The following SLC15A5 variants were observed in gnomAD, a reference collection of about 807,000 sequenced individuals.
SLC15A5 encodes the protein solute carrier family 15 member 5.
Under a neutral mutation model 56.1 loss-of-function variants are expected in SLC15A5, and 58 were observed. The observed-to-expected ratio is 1.03, with a 90% CI of 0.84 to 1.29. SLC15A5 has a LOEUF of 1.29. SLC15A5 is among the 50% of genes most tolerant of loss of function. SLC15A5 has a pLI of 0.00. For synonymous variants in SLC15A5, 264 were observed against 250.5 expected, an observed-to-expected ratio of 1.05 and a Z score of -0.51; for missense variants, 681 against 672.1, an observed-to-expected ratio of 1.01 and a Z score of -0.15.
chr12:16,212,677 G>T (rs1033256403), intron 7 of SLC15A5, among the ~76,000 whole-genome samples: 2 of 152,120 alleles, frequency 1.3e-5, no homozygotes, highest in African/African-American at 4.8e-5. Flanking sequence ...GGAATTTTCT[G>T]TAAGACTCTT....
chr12:16,201,156 A>C (rs1465434146), intron 7 of SLC15A5, among the ~76,000 whole-genome samples: 1 of 152,152 alleles, frequency 6.6e-6, no homozygotes, highest in Admixed American at 6.6e-5. Context: ...TAGTAGGAAA[A>C]AGTTACAAAG....
intron 2 of SLC15A5, among the ~76,000 whole-genome samples, chr12:16,260,022 G>T (rs1045560928): frequency 3.3e-5 from 5 of 152,122 alleles, no homozygotes; most frequent in Admixed American, 1.3e-4. Flanking sequence ...GATTCTCCAA[G>T]TGTTAATGTA....
intron 8 of SLC15A5, 76 bp from the exon 9 acceptor site, chr12:16,189,891 G>A (rs61915888): frequency 0.19 from 218,966 of 1,129,298 alleles, 23,063 homozygotes; most frequent in Middle Eastern, 0.26. Context: ...TCCCTCCTGC[G>A]CTTGTCTACC....
intron 8 of SLC15A5, among the ~76,000 whole-genome samples, chr12:16,191,766 A>G (rs980930007): frequency 1.3e-4 from 20 of 152,098 alleles, no homozygotes; most frequent in African/African-American, 4.1e-4. Flanking sequence ...CCAATGGCCA[A>G]TAGGTCCCCA....
rs530003798 is a variant in SLC15A5, at chr12:16,271,953, A to C, written c.584+608T>G. On this transcript the variant is annotated intron_variant, in intron 2 of 8. Coordinates refer to ENST00000344941, the MANE Select transcript of SLC15A5 (RefSeq NM_001170798.1). This position sits in a 1 kb window ranked among gnomAD's most constrained non-coding sequence, Gnocchi z 8.0. ...GTTGGGAGCGAACTGGGTGAGAAACAGAGATGCTGGGTGATGCTTTAACAA... is the reference window on the plus strand; with the variant it reads ...GTTGGGAGCGAACTGGGTGAGAAACCGAGATGCTGGGTGATGCTTTAACAA... Among the ~76,000 whole-genome samples the C allele has an allele frequency of 6.6e-6, 1 of 152,332 alleles. No homozygotes were observed. Among genetic ancestry groups the C allele is most frequent in the South Asian group, 2.1e-4 (1 of 4,830 alleles).
At chr12:16,227,559 C>A (rs1199711026) in intron 5 of SLC15A5, among the ~76,000 whole-genome samples, 2 of 152,136 alleles carry the variant, frequency 1.3e-5, no homozygotes, top group East Asian at 3.9e-4. Context: ...AAGGTGAAAG[C>A]AGCACACGTG....
chr12:16,224,495 T>G lies in SLC15A5; in HGVS notation c.1270A>C (p.Thr424Pro). ...TAGAAACAGGGCATGGAGGAAACAG[T>G]GAGAACTTTTCCTGAAAGGGGCTGC... ...VEQPLSGKVL[T>P]VSSMPCFYLI... Residue 424 changes from threonine (T) to proline (P), a missense_variant, in exon 6 of 9, where the codon ACT (threonine) becomes CCT (proline). Physicochemically the swap from Thr to Pro is conservative, Grantham distance 38 (BLOSUM62 -1). Transcript: ENST00000344941. 2 of 1,537,242 alleles carry G rather than the reference T, an allele frequency of 1.3e-6. No individual in the cohort carries two copies. Among genetic ancestry groups the G allele is most frequent in the African/African-American group, 1.4e-5 (1 of 73,150 alleles).
In SLC15A5 at chr12:16,221,369, C is replaced by T. The variant is rs1483295399; in HGVS notation, c.1351+3045G>A. 4.6e-5 allele frequency among the ~76,000 whole-genome samples: 7 copies of T among 152,070 alleles called. 1 individual carries two copies. Among genetic ancestry groups the T allele is most frequent in the Non-Finnish European group, 1.0e-4 (7 of 68,006 alleles). On this transcript the variant is annotated intron_variant, in intron 6 of 8. Transcript: ENST00000344941. Reference sequence around the variant, plus strand: ...AAAGTGATGGAATGCTCAAGGAAGCCCCTCCAAAGAGAAGACCTTTGAGAA... The same window carrying T: ...AAAGTGATGGAATGCTCAAGGAAGCTCCTCCAAAGAGAAGACCTTTGAGAA...
chr12:16,244,490 G>A lies in SLC15A5; in HGVS notation c.975+90C>T, dbSNP rs905363574. ...CTGCCTGCCGACATATATGGAAAGCGCTCGTTGGGGAGAAAATTCACCTTG... is the reference window on the plus strand; with the variant it reads ...CTGCCTGCCGACATATATGGAAAGCACTCGTTGGGGAGAAAATTCACCTTG... On this transcript the variant is annotated intron_variant, in intron 4 of 8. Transcript: ENST00000344941. The A allele has an allele frequency of 8.0e-5, 94 of 1,174,484 alleles. No homozygotes were observed. The African/African-American group carries it at 8.6e-4, about 11-fold the overall frequency. The allele number at this position is 1,174,484 out of a possible 1,614,324, so 72.8% of individuals were successfully genotyped here.
At chr12:16,264,885 T>A (rs1042548038) in intron 2 of SLC15A5, among the ~76,000 whole-genome samples, 1 of 152,222 alleles carries the variant, frequency 6.6e-6, no homozygotes, top group African/African-American at 2.4e-5. Context: ...AAATTAAACC[T>A]CTTTCTTTTG....
At chr12:16,224,650 A>G in intron 5 of SLC15A5, 48 bp from the exon 6 acceptor site, 1 of 1,475,002 alleles carries the variant, frequency 6.8e-7, no homozygotes, top group Non-Finnish European at 9.0e-7. Context: ...GAAGAGCTAG[A>G]GATTCATGTA....
intron 1 of SLC15A5, 84 bp downstream of exon 1, chr12:16,277,241 A>C (rs1280491408): frequency 7.9e-7 from 1 of 1,261,458 alleles, no homozygotes; most frequent in Non-Finnish European, 1.1e-6. Context: ...CTAAGAGCAG[A>C]GTGAAAATAA....
At position 16,244,587 on chromosome 12, in the gene SLC15A5, A is replaced by G. The variant is rs1236475713; in HGVS notation, c.968T>C (p.Ile323Thr). 4 of 1,537,490 alleles carry G rather than the reference A, an allele frequency of 2.6e-6. No individual in the cohort carries two copies. Among genetic ancestry groups the G allele is most frequent in the African/African-American group, 1.4e-5 (1 of 73,012 alleles). The change falls in exon 4 of 9, where the codon ATT becomes ACT. Residue 323 changes from isoleucine to threonine, a missense_variant. Transcript: ENST00000344941. Reference protein sequence around the residue: ...FIFQLLYRMCIMQIPSGYYLQ... With the variant: ...FIFQLLYRMCTMQIPSGYYLQ... ...CTCATCGCCTGTCCTTACCTGCATA[A>G]TGCACATTCTGTATAGGAGCTGAAA... is the stretch of plus-strand genomic sequence containing the variant.
intron 5 of SLC15A5, among the ~76,000 whole-genome samples, chr12:16,233,252 C>G (rs1215070520): frequency 6.6e-6 from 1 of 152,134 alleles, no homozygotes; most frequent in Non-Finnish European, 1.5e-5. Context: ...AAAGTTTAGA[C>G]AAGCATCACT....
chr12:16,222,256 G>T (rs923257726), intron 6 of SLC15A5, among the ~76,000 whole-genome samples: 5 of 152,074 alleles, frequency 3.3e-5, no homozygotes, highest in African/African-American at 1.2e-4. Context: ...TTTTCCCAAC[G>T]TCACAGAGTT....
chr12:16,259,176 A>T (rs1381003865), intron 2 of SLC15A5, among the ~76,000 whole-genome samples: 1 of 148,584 alleles, frequency 6.7e-6, no homozygotes, highest in Non-Finnish European at 1.5e-5. Context: ...TGGGACCACA[A>T]GCACGCACTA....
chr12:16,264,721 G>A (rs950489587), intron 2 of SLC15A5, among the ~76,000 whole-genome samples: 4 of 152,172 alleles, frequency 2.6e-5, no homozygotes, highest in Non-Finnish European at 5.9e-5. Flanking sequence ...TCGTGATAGT[G>A]AATAGGTCTT....
At chr12:16,253,030 G>A (rs916951063) in intron 3 of SLC15A5, among the ~76,000 whole-genome samples, 24 of 136,614 alleles carry the variant, frequency 1.8e-4, no homozygotes, top group African/African-American at 5.0e-4. Flanking sequence ...CCAAGACTAC[G>A]TAAGGGGGAA....
At chr12:16,238,601 G>T (rs1022513364) in intron 5 of SLC15A5, among the ~76,000 whole-genome samples, 1 of 137,402 alleles carries the variant, frequency 7.3e-6, no homozygotes, top group African/African-American at 2.8e-5. Flanking sequence ...CTGCACTCCA[G>T]CCTGGGCGAC....
Sources: allele counts gnomAD v4.1 joint callset (sites outside exome capture counted in the v4.1 genomes callset), GRCh38; gene constraint gnomAD v4.1.1; non-coding constraint Gnocchi (gnomAD v3.1); transcripts MANE v1.5; gene names NCBI Gene and HGNC (gene_info 2026-07-23, HGNC 2026-07-21).